ZDHHC14: variants seen among roughly 807,000 people sequenced by gnomAD.
ZDHHC14 encodes palmitoyltransferase ZDHHC14.
A neutral mutation model predicts 47.7 loss-of-function variants in ZDHHC14; 16 were observed. The observed-to-expected ratio is 0.34, with a 90% CI of 0.23 to 0.51. The LOEUF is 0.51. Ranked by LOEUF, ZDHHC14 falls within the 20% of genes least tolerant of loss-of-function variation. The probability of loss-of-function intolerance (pLI) is 0.97; values close to 1 mark genes in which losing one functional copy is unlikely to be tolerated. For missense variants in ZDHHC14, 515 were observed against 662.5 expected (o/e 0.78, Z 2.44); for synonymous variants, 293 against 278.9 (o/e 1.05, Z -0.50).
At chr6:157,491,283 C>G (rs1416555313) in intron 1 of ZDHHC14, among the ~76,000 whole-genome samples, 4 of 152,198 alleles carry the variant, frequency 2.6e-5, no homozygotes. Flanking sequence ...TTCCCTTTCC[C>G]TTTTCTTCTG....
chr6:157,479,204 C>A (rs1008152405), intron 1 of ZDHHC14, among the ~76,000 whole-genome samples: 2 of 152,186 alleles, frequency 1.3e-5, no homozygotes, highest in Non-Finnish European at 2.9e-5. Context: ...TCTGTGCCCC[C>A]AGTTATGGGA....
At chr6:157,491,473 G>A (rs1237146827) in intron 1 of ZDHHC14, among the ~76,000 whole-genome samples, 1 of 152,180 alleles carries the variant, frequency 6.6e-6, no homozygotes, top group African/African-American at 2.4e-5. Flanking sequence ...TAGTGTTGCT[G>A]GACATGAAAA....
At chr6:157,615,787 TTTTTG>T (rs66704112) in intron 3 of ZDHHC14, among the ~76,000 whole-genome samples, 56,099 of 151,334 alleles carry the variant, frequency 0.37, 11,206 homozygotes, top group East Asian at 0.86. Flanking sequence ...GCTGACTGCA[TTTTTG>T]TTTTGTTTTG....
At chr6:157,611,354 C>T (rs910378149) in intron 3 of ZDHHC14, among the ~76,000 whole-genome samples, 2 of 152,132 alleles carry the variant, frequency 1.3e-5, no homozygotes, top group African/African-American at 4.8e-5. Context: ...TAAAATAATG[C>T]GTCTAACGTA....
At chr6:157,525,582 T>C (rs1781125776) in intron 1 of ZDHHC14, among the ~76,000 whole-genome samples, 1 of 151,820 alleles carries the variant, frequency 6.6e-6, no homozygotes, top group Non-Finnish European at 1.5e-5. Flanking sequence ...ATCTTGGAAG[T>C]GACACCCCAC....
At chr6:157,413,958 A>G (rs1032509166) in intron 1 of ZDHHC14, among the ~76,000 whole-genome samples, 1 of 151,940 alleles carries the variant, frequency 6.6e-6, no homozygotes, top group Admixed American at 6.6e-5. Context: ...TTGGCTTGAG[A>G]CAGAGTCTCA....
At chr6:157,605,628 G>A (rs1457141477) in intron 3 of ZDHHC14, among the ~76,000 whole-genome samples, 2 of 152,322 alleles carry the variant, frequency 1.3e-5, no homozygotes, top group Non-Finnish European at 2.9e-5. Context: ...GTTCATAACG[G>A]TTCATGGACT....
At chr6:157,658,414 A>G (rs1778196528) in intron 8 of ZDHHC14, among the ~76,000 whole-genome samples, 1 of 152,200 alleles carries the variant, frequency 6.6e-6, no homozygotes, top group East Asian at 1.9e-4. Context: ...ACAACATCTC[A>G]GTCCACACAT....
At chr6:157,431,582 G>A (rs189897473) in intron 1 of ZDHHC14, among the ~76,000 whole-genome samples, 3 of 152,262 alleles carry the variant, frequency 2.0e-5, no homozygotes, top group Admixed American at 6.5e-5. Flanking sequence ...CATTGCTAGT[G>A]TGGGTCATAT....
intron 1 of ZDHHC14, among the ~76,000 whole-genome samples, chr6:157,435,637 T>C (rs1434149182): frequency 6.6e-6 from 1 of 152,082 alleles, no homozygotes; most frequent in Non-Finnish European, 1.5e-5. Flanking sequence ...CCTCCTGGGC[T>C]CAAGTGATCC....
At chr6:157,401,139 C>A (rs554164814) in intron 1 of ZDHHC14, among the ~76,000 whole-genome samples, 1 of 152,304 alleles carries the variant, frequency 6.6e-6, no homozygotes, top group East Asian at 1.9e-4. Context: ...GATGCCAAAG[C>A]CTTGCCACAA....
intron 1 of ZDHHC14, among the ~76,000 whole-genome samples, chr6:157,469,919 G>C (rs1779314902): frequency 6.6e-6 from 1 of 152,170 alleles, no homozygotes; most frequent in Non-Finnish European, 1.5e-5. Context: ...TCTTACTGTG[G>C]ATTACCACAG....
intron 1 of ZDHHC14, among the ~76,000 whole-genome samples, chr6:157,488,534 T>A (rs1009303893): frequency 1.3e-5 from 2 of 152,210 alleles, no homozygotes; most frequent in African/African-American, 4.8e-5. Flanking sequence ...ATACCCTTTT[T>A]AGGGGTACTT....
intron 1 of ZDHHC14, among the ~76,000 whole-genome samples, chr6:157,497,741 C>A (rs1352188335): frequency 6.6e-6 from 1 of 152,184 alleles, no homozygotes; most frequent in East Asian, 1.9e-4. Flanking sequence ...TGGCTTTCAA[C>A]CCAACACGCT....
chr6:157,501,801 C>T (rs1780198666), intron 1 of ZDHHC14, among the ~76,000 whole-genome samples: 2 of 152,168 alleles, frequency 1.3e-5, no homozygotes, highest in Admixed American at 1.3e-4. Flanking sequence ...TTGTTGTTCT[C>T]CAGCTGACAT....
chr6:157,551,716 C>T (rs1782242748), intron 2 of ZDHHC14, among the ~76,000 whole-genome samples: 1 of 152,216 alleles, frequency 6.6e-6, no homozygotes, highest in Non-Finnish European at 1.5e-5. Flanking sequence ...CTGCAACTCC[C>T]AGGACTGTCG....
intron 1 of ZDHHC14, among the ~76,000 whole-genome samples, chr6:157,394,603 C>T (rs1777485712): frequency 6.6e-6 from 1 of 152,336 alleles, no homozygotes; most frequent in South Asian, 2.1e-4. Flanking sequence ...CTTTGACTCC[C>T]CCACCTCCAT....
Position 157,593,104 on chromosome 6 carries a change from C to A in ZDHHC14, c.523C>A (p.Pro175Thr). The part of the protein sequence containing the change: ...KYCFTCKIFR[P>T]PRASHCSLCD... ...CTGTTTCACCTGCAAGATTTTCCGG[C>A]CCCCTCGCGCCTCCCATTGCAGCCT... The change falls in exon 3 of 9, where the codon CCC becomes ACC. Residue 175 changes from proline (P) to threonine (T), a missense_variant. This residue lies in a region of ZDHHC14 where 229 missense variants were observed against 351.5 expected (regional missense o/e 0.65). Coordinates refer to ENST00000359775, the MANE Select transcript of ZDHHC14 (RefSeq NM_024630.3). 6.2e-7 allele frequency: 1 copy of A among 1,614,058 alleles called. No individual in the cohort carries two copies. Among genetic ancestry groups the A allele is most frequent in the Non-Finnish European group, 8.5e-7 (1 of 1,179,958 alleles).
At chr6:157,392,884 A>AT (rs918733177) in intron 1 of ZDHHC14, among the ~76,000 whole-genome samples, 8 of 151,480 alleles carry the variant, frequency 5.3e-5, no homozygotes, top group Admixed American at 2.6e-4. Flanking sequence ...TTTTTTAATT[A>AT]TTTTTTTTGA....
Sources: gnomAD v4.1 joint callset for allele counts (sites outside exome capture counted in the v4.1 genomes callset) on GRCh38, gnomAD v4.1.1 for gene constraint, gnomAD v4.1.1 regional missense constraint, MANE v1.5 for transcripts, NCBI Gene and HGNC (gene_info 2026-07-23, HGNC 2026-07-21) for gene names.